The following VEPH1 variants were observed in gnomAD, a reference collection of about 807,000 sequenced individuals.
The protein encoded by VEPH1 is ventricular zone-expressed PH domain-containing protein homolog 1.
A neutral mutation model predicts 85.2 loss-of-function variants in VEPH1; 80 were observed. The observed-to-expected ratio is 0.94, with a 90% CI of 0.78 to 1.13. The LOEUF (loss-of-function observed/expected upper bound fraction) is 1.13, where lower values mean the gene tolerates loss of function less well. Ranked by LOEUF, VEPH1 falls within the 50% of genes most tolerant of loss-of-function variation. The pLI, the probability that VEPH1 is intolerant of heterozygous loss-of-function variation, is 0.00. For missense variants in VEPH1, 955 were observed against 980.5 expected (o/e 0.97, Z 0.35); for synonymous variants, 297 against 348.0 (o/e 0.85, Z 1.63).
At chr3:157,430,422 G>A (rs1401957820) in intron 4 of VEPH1, among the ~76,000 whole-genome samples, 1 of 152,162 alleles carries the variant, frequency 6.6e-6, no homozygotes, top group Non-Finnish European at 1.5e-5. Flanking sequence ...TCACAGCCAT[G>A]TGTTATTCCA....
intron 9 of VEPH1, among the ~76,000 whole-genome samples, chr3:157,359,547 A>T (rs896595438): frequency 6.6e-6 from 1 of 152,128 alleles, no homozygotes; most frequent in Non-Finnish European, 1.5e-5. Context: ...GGGGTTTGAC[A>T]TTTTTTTCCA....
In VEPH1 at chr3:157,414,023, A is replaced by C; in HGVS notation, c.764T>G (p.Leu255Arg). ...LKDSTHNDII[L>R]NILIEIAVYE... ...GACTGCTATCTCTATGAGGATGTTTAGGATGATGTCATTATGGGTTGAATC... is the reference window on the plus strand; with the variant it reads ...GACTGCTATCTCTATGAGGATGTTTCGGATGATGTCATTATGGGTTGAATC... Residue 255 changes from leucine (L) to arginine (R), a missense_variant, in exon 6 of 14, where the codon CTA (leucine) becomes CGA (arginine). Leu to Arg is a moderately radical substitution (Grantham distance 102). Transcript: ENST00000362010. The C allele has an allele frequency of 6.2e-7, 1 of 1,613,588 alleles. No homozygotes were observed. The highest frequency in any genetic ancestry group is 8.5e-7 in the Non-Finnish European group (1 of 1,179,682).
At chr3:157,479,503 C>G (rs62280981) in intron 2 of VEPH1, among the ~76,000 whole-genome samples, 26,031 of 152,220 alleles carry the variant, frequency 0.17, 2,845 homozygotes, top group East Asian at 0.36. Flanking sequence ...GAATGGCCCA[C>G]TGGCAAAAGG....
intron 9 of VEPH1, among the ~76,000 whole-genome samples, chr3:157,323,261 A>G (rs1182329752): frequency 1.3e-5 from 2 of 152,252 alleles, no homozygotes; most frequent in Non-Finnish European, 2.9e-5. Flanking sequence ...CTCAAAAATA[A>G]TAATGAATTT....
At chr3:157,295,826 A>C (rs1334468313) in intron 11 of VEPH1, among the ~76,000 whole-genome samples, 1 of 151,964 alleles carries the variant, frequency 6.6e-6, no homozygotes, top group African/African-American at 2.4e-5. Context: ...GTGATGGCAC[A>C]GGCCTGTCGT....
intron 6 of VEPH1, among the ~76,000 whole-genome samples, chr3:157,389,719 C>A (rs1405353795): frequency 6.6e-6 from 1 of 151,904 alleles, no homozygotes; most frequent in East Asian, 1.9e-4. Context: ...ATGGACCAAT[C>A]CATTGATGGA....
intron 11 of VEPH1, among the ~76,000 whole-genome samples, chr3:157,303,452 A>G (rs911598361): frequency 6.6e-6 from 1 of 152,180 alleles, no homozygotes; most frequent in Non-Finnish European, 1.5e-5. Context: ...ACTTAGAGTC[A>G]TATTTACCAT....
At chr3:157,413,655 A>G (rs958826225) in intron 6 of VEPH1, 3 of 985,206 alleles carry the variant, frequency 3.0e-6, no homozygotes, top group African/African-American at 3.5e-5. Flanking sequence ...GCCATTGTCC[A>G]TGTAAAAGGA....
chr3:157,459,750 T>C (rs915775178), intron 4 of VEPH1: 11 of 1,441,492 alleles, frequency 7.6e-6, no homozygotes, highest in Non-Finnish European at 8.2e-6. Flanking sequence ...TAAGAAGTCA[T>C]TACACATTTT....
chr3:157,297,149 G>C (rs1718235374), intron 11 of VEPH1, among the ~76,000 whole-genome samples: 1 of 152,084 alleles, frequency 6.6e-6, no homozygotes. Flanking sequence ...AAAATAAGAA[G>C]CTCCTTTTTA....
intron 9 of VEPH1, among the ~76,000 whole-genome samples, chr3:157,349,536 G>A (rs1357519955): frequency 6.9e-6 from 1 of 144,726 alleles, no homozygotes; most frequent in Non-Finnish European, 1.5e-5. Context: ...TAGAGCAAAT[G>A]GGTAAGAGAA....
intron 12 of VEPH1, among the ~76,000 whole-genome samples, chr3:157,276,219 A>G (rs1224085181): frequency 6.6e-6 from 1 of 152,206 alleles, no homozygotes. Flanking sequence ...TTTCTCAGTA[A>G]TTTCATACCC....
At chr3:157,428,534 AG>A (rs1399340917) in intron 4 of VEPH1, 46 bp from the exon 5 acceptor site, 10 of 1,572,622 alleles carry the variant, frequency 6.4e-6, no homozygotes, top group Middle Eastern at 1.7e-4. Context: ...TCAGGCCATG[AG>A]CAACAGAAAT....
rs552939423 is a variant in VEPH1 at position 157,371,820 on chromosome 3, C to T, written c.1128-7308G>A. Among the ~76,000 whole-genome samples the T allele has an allele frequency of 2.0e-4, 30 of 152,206 alleles. No individual in the cohort carries two copies. In the East Asian group the frequency reaches 5.0e-3, roughly 25 times the overall value. On this transcript the variant is annotated intron_variant, in intron 7 of 13. Coordinates refer to ENST00000362010, the MANE Select transcript of VEPH1 (RefSeq NM_001167912.2). ...ACATTCCGAGGTAAAGGTACATTTT[C>T]GGGTTTTGCTGCTGGCAGATACTGG...
intron 2 of VEPH1, among the ~76,000 whole-genome samples, chr3:157,491,839 G>C (rs926039299): frequency 1.4e-4 from 22 of 152,158 alleles, no homozygotes; most frequent in African/African-American, 5.3e-4. Context: ...GAATGCCTTA[G>C]CACATCACAA....
At chr3:157,269,313 T>C (rs1328957934) in intron 12 of VEPH1, among the ~76,000 whole-genome samples, 1 of 152,108 alleles carries the variant, frequency 6.6e-6, no homozygotes, top group Non-Finnish European at 1.5e-5. Context: ...CAAGACCAAA[T>C]GATAGGCTTA....
chr3:157,329,735 A>G (rs181324594), intron 9 of VEPH1, among the ~76,000 whole-genome samples: 11 of 152,260 alleles, frequency 7.2e-5, no homozygotes, highest in African/African-American at 2.6e-4. Context: ...CAGAAACTCA[A>G]CCTTCTAGCA....
intron 12 of VEPH1, among the ~76,000 whole-genome samples, chr3:157,281,170 G>C (rs181216229): frequency 6.6e-6 from 1 of 152,054 alleles, no homozygotes; most frequent in East Asian, 1.9e-4. Flanking sequence ...AGTGTGTGGA[G>C]AGGTTTAAGA....
At chr3:157,402,730 T>C (rs1449666987) in intron 6 of VEPH1, among the ~76,000 whole-genome samples, 1 of 152,172 alleles carries the variant, frequency 6.6e-6, no homozygotes, top group Admixed American at 6.5e-5. Context: ...TATTTATTAA[T>C]CTTAAAAAGC....
Sources: allele counts gnomAD v4.1 joint callset (sites outside exome capture counted in the v4.1 genomes callset), GRCh38; gene constraint gnomAD v4.1.1; transcripts MANE v1.5; gene names NCBI Gene and HGNC (gene_info 2026-07-23, HGNC 2026-07-21).